DOCK4: variants seen among roughly 807,000 people sequenced by gnomAD.
DOCK4 encodes the protein dedicator of cytokinesis protein 4.
In DOCK4, 97 loss-of-function variants were observed where a neutral mutation model predicts 268.1. That is an observed-to-expected ratio of 0.36 (90% CI 0.31 to 0.43). The LOEUF (loss-of-function observed/expected upper bound fraction) is 0.43, where lower values mean the gene tolerates loss of function less well. Ranked by LOEUF, DOCK4 falls within the 20% of genes least tolerant of loss-of-function variation. The probability of loss-of-function intolerance (pLI) is 1.00; values close to 1 mark genes in which losing one functional copy is unlikely to be tolerated. For missense variants in DOCK4, 2,145 were observed against 2,455.7 expected (o/e 0.87, Z 2.67); for synonymous variants, 954 against 887.2 (o/e 1.08, Z -1.34).
intron 4 of DOCK4, among the ~76,000 whole-genome samples, chr7:111,995,413 T>TTGTGTGTGTGTGTGTG: frequency 8.5e-6 from 1 of 116,988 alleles, no homozygotes; most frequent in East Asian, 3.0e-4. Flanking sequence ...AATTCTTTCT[T>TTGTGTGTGTGTGTGTG]TGTGTGTGTG....
intron 36 of DOCK4, among the ~76,000 whole-genome samples, chr7:111,770,818 C>T (rs1447709145): frequency 6.6e-6 from 1 of 152,082 alleles, no homozygotes; most frequent in Non-Finnish European, 1.5e-5. Flanking sequence ...ATTTATTTGC[C>T]TTTAGGGTAA....
rs925009170 is a variant in DOCK4, at chr7:111,773,971, C to T, written c.3680-4294G>A. 4.6e-5 allele frequency among the ~76,000 whole-genome samples: 7 copies of T among 151,590 alleles called. No individual in the cohort carries two copies. In the East Asian group the frequency reaches 1.2e-3, roughly 25 times the overall value. ...GGCAGAGGCTGCAGTGAGCCCAGAT[C>T]GTGCCACTACATTCCAGCCTGGGTG... On this transcript the variant is annotated intron_variant, in intron 36 of 52. Coordinates refer to ENST00000428084, the MANE Select transcript of DOCK4 (RefSeq NM_001363540.2).
At position 111,901,658 on chromosome 7, in the gene DOCK4, A is replaced by C. The variant is rs761542768; in HGVS notation, c.1317+19T>G. ...TTATACAGACTTGTTTGACCTGGAA[A>C]TATCAAGTATTAACATACCTTCAGG... On this transcript the variant is annotated intron_variant, in intron 14 of 52. Transcript: ENST00000428084. The C allele has an allele frequency of 4.3e-6, 7 of 1,611,512 alleles. No individual in the cohort carries two copies. The highest frequency in any genetic ancestry group is 1.3e-5 in the African/African-American group (1 of 74,866).
At position 111,790,319 on chromosome 7, in the gene DOCK4, G is replaced by A. The variant is rs558503569; in HGVS notation, c.3315+138C>T. 3.2e-6 allele frequency: 3 copies of A among 940,824 alleles called. No homozygotes were observed. In the South Asian group the frequency reaches 5.2e-5, roughly 16 times the overall value. The allele number at this position is 940,824 out of a possible 1,614,324, so 58.3% of individuals were successfully genotyped here. On this transcript the variant is annotated intron_variant, in intron 31 of 52. Coordinates refer to ENST00000428084, the MANE Select transcript of DOCK4 (RefSeq NM_001363540.2). ...GAAGTATCCACGGCTGTGTGGCTTGGGAGTGGATAGGCCAGGCTGGAATCT... is the reference window on the plus strand; with the variant it reads ...GAAGTATCCACGGCTGTGTGGCTTGAGAGTGGATAGGCCAGGCTGGAATCT...
intron 1 of DOCK4, among the ~76,000 whole-genome samples, chr7:112,042,654 T>C (rs1804493340): frequency 6.6e-6 from 1 of 152,224 alleles, no homozygotes; most frequent in Non-Finnish European, 1.5e-5. Context: ...GCATGACCAA[T>C]CATCTTGGGA....
intron 36 of DOCK4, among the ~76,000 whole-genome samples, chr7:111,773,404 G>A (rs1798245219): frequency 6.6e-6 from 1 of 152,116 alleles, no homozygotes; most frequent in African/African-American, 2.4e-5. Context: ...ACAAATTAAA[G>A]AAAAAAGATT....
intron 30 of DOCK4, among the ~76,000 whole-genome samples, chr7:111,796,376 A>C (rs1006505536): frequency 1.3e-5 from 2 of 152,248 alleles, no homozygotes; most frequent in African/African-American, 4.8e-5. Flanking sequence ...TCTCACTAAT[A>C]CAGGACACAT....
intron 1 of DOCK4, among the ~76,000 whole-genome samples, chr7:112,055,703 T>C (rs188803808): frequency 6.6e-6 from 1 of 151,442 alleles, no homozygotes; most frequent in Non-Finnish European, 1.5e-5. Context: ...AGACCAGGAG[T>C]TCGAAACCAG....
At chr7:111,750,426 T>C (rs879662437) in intron 42 of DOCK4, among the ~76,000 whole-genome samples, 1 of 152,184 alleles carries the variant, frequency 6.6e-6, no homozygotes, top group Non-Finnish European at 1.5e-5. Flanking sequence ...TGAGGCATGA[T>C]TACAGAATGT....
chr7:111,890,454 C>T (rs1808198204), intron 16 of DOCK4, among the ~76,000 whole-genome samples: 1 of 152,092 alleles, frequency 6.6e-6, no homozygotes, highest in Admixed American at 6.5e-5. Flanking sequence ...GTTCTGGGGG[C>T]TCTGGAAGGA....
At chr7:111,735,310 C>A (rs1184476178) in intron 50 of DOCK4, 143 bp from the exon 51 acceptor site, 8 of 594,160 alleles carry the variant, frequency 1.3e-5, no homozygotes, top group African/African-American at 7.5e-5. Context: ...GAATACTAAA[C>A]CTTTATTTAA....
At chr7:111,986,572 G>A (rs1055311551) in intron 6 of DOCK4, among the ~76,000 whole-genome samples, 5 of 152,164 alleles carry the variant, frequency 3.3e-5, no homozygotes, top group African/African-American at 1.2e-4. Context: ...AGATCACACA[G>A]GGAGAGCGTC....
intron 47 of DOCK4, chr7:111,740,272 G>T (rs946831214): frequency 2.1e-5 from 6 of 281,496 alleles, no homozygotes; most frequent in African/African-American, 1.2e-4. Flanking sequence ...GCTAATTTTT[G>T]TATTTTTGAT....
rs1796196113 is a variant in DOCK4 at position 111,953,237 on chromosome 7, T to G, written c.702-7439A>C. ...AAAAAAAAAAATTAACTACGCTGTT[T>G]GAAGAGTGTGAGGATAACAATTAAT... On this transcript the variant is annotated intron_variant, in intron 8 of 52. Coordinates refer to ENST00000428084, the MANE Select transcript of DOCK4 (RefSeq NM_001363540.2). Among the ~76,000 whole-genome samples the G allele has an allele frequency of 2.0e-5, 3 of 151,864 alleles. No individual in the cohort carries two copies. In the South Asian group the frequency reaches 6.3e-4, roughly 32 times the overall value.
chr7:111,969,543 C>G (rs1797531870), intron 8 of DOCK4, among the ~76,000 whole-genome samples: 1 of 151,842 alleles, frequency 6.6e-6, no homozygotes, highest in African/African-American at 2.4e-5. Flanking sequence ...TTCAAATTCT[C>G]TTGAAAATTC....
In DOCK4 at chr7:111,747,404, C is replaced by T. The variant is rs927066489; in HGVS notation, c.4456G>A (p.Glu1486Lys). The T allele has an allele frequency of 1.9e-6, 3 of 1,609,920 alleles. No homozygotes were observed. Among genetic ancestry groups the T allele is most frequent in the Admixed American group, 1.7e-5 (1 of 59,452 alleles). Residue 1486 changes from glutamate to lysine, a missense_variant, in exon 43 of 53, where the codon GAA becomes AAA. Physicochemically the swap from Glu to Lys is moderately conservative, Grantham distance 56. Around this residue, in one of 2 missense-constraint regions of DOCK4, gnomAD observed 1,598 missense variants for 1,986.7 expected, o/e 0.80. Coordinates refer to ENST00000428084, the MANE Select transcript of DOCK4 (RefSeq NM_001363540.2). ...SPLENAIEVL[E>K]NKNQQLKTLI... ...GTCTTCAGCTGCTGATTCTTATTTT[C>T]TAGCACTTCAATTGCATTTTCCAGA... is the stretch of plus-strand genomic sequence containing the variant.
intron 13 of DOCK4, among the ~76,000 whole-genome samples, chr7:111,905,800 T>C (rs28495792): frequency 6.6e-6 from 1 of 152,076 alleles, no homozygotes; most frequent in Non-Finnish European, 1.5e-5. Context: ...TTAGTTTTTT[T>C]AAAAAAGAAA....
chr7:111,877,618 G>C (rs1259159126), intron 16 of DOCK4, among the ~76,000 whole-genome samples: 1 of 151,970 alleles, frequency 6.6e-6, no homozygotes, highest in Non-Finnish European at 1.5e-5. Context: ...TCTCATCTGA[G>C]GCAGCTGTTA....
At chr7:111,748,634 G>A (rs1372577528) in intron 42 of DOCK4, among the ~76,000 whole-genome samples, 1 of 152,044 alleles carries the variant, frequency 6.6e-6, no homozygotes, top group Non-Finnish European at 1.5e-5. Flanking sequence ...TGTGAGCAAC[G>A]GACTCTCAAT....
Sources: gnomAD v4.1 joint callset for allele counts (sites outside exome capture counted in the v4.1 genomes callset) on GRCh38, gnomAD v4.1.1 for gene constraint, gnomAD v4.1.1 regional missense constraint, MANE v1.5 for transcripts, NCBI Gene and HGNC (gene_info 2026-07-23, HGNC 2026-07-21) for gene names.